MAPK8IP2: variants seen among roughly 807,000 people sequenced by gnomAD.
MAPK8IP2 encodes the protein C-Jun-amino-terminal kinase-interacting protein 2.
Under a neutral mutation model 75.6 loss-of-function variants are expected in MAPK8IP2, and 15 were observed. The ratio of observed to expected loss-of-function variants is 0.20; its 90% CI spans 0.13 to 0.31. The LOEUF (loss-of-function observed/expected upper bound fraction) is 0.31, where lower values mean the gene tolerates loss of function less well. Among genes scored for constraint, MAPK8IP2 ranks in the 10% least tolerant of loss-of-function variants. The pLI, the probability that MAPK8IP2 is intolerant of heterozygous loss-of-function variation, is 1.00. For missense variants in MAPK8IP2, 1,089 were observed against 1,211.2 expected (o/e 0.90, Z 1.50); for synonymous variants, 632 against 554.5 (o/e 1.14, Z -1.96).
In MAPK8IP2 at chr22:50,604,682, AGCCTGCTCCGCC is replaced by A. The variant is rs1318884910; in HGVS notation, c.1394_1405del (p.Ala465_Ser468del). ...CCGGCCGCGCCGCCCGCCCGGGACGAGCCTGCTCCGCCGCCTGCTCCGAGGAGGAGGACGAAG... is the reference window on the plus strand; with the variant it reads ...CCGGCCGCGCCGCCCGCCCGGGACGAGCCTGCTCCGAGGAGGAGGACGAAG... On this transcript the variant is annotated inframe_deletion, in exon 5 of 12. Transcript: ENST00000329492. 1.0e-5 allele frequency: 16 copies of A among 1,525,056 alleles called. No individual in the cohort carries two copies. In the Admixed American group the frequency reaches 1.1e-4, roughly 10 times the overall value. The allele number at this position is 1,525,056 out of a possible 1,614,324, so 94.5% of individuals were successfully genotyped here. A position where few individuals can be genotyped will look rare whatever the true frequency, so the allele number is the denominator to read the frequency against.
Position 50,603,213 on chromosome 22 carries a change from C to T in MAPK8IP2, c.172-10C>T, listed in dbSNP as rs756103129. On this transcript the variant is annotated splice_polypyrimidine_tract_variant and intron_variant, in intron 2 of 11. Coordinates refer to ENST00000329492, the MANE Select transcript of MAPK8IP2 (RefSeq NM_012324.6). ...CTGGCCCAGCCCTGCTATCTCCCTC[C>T]GTCCTGCAGGACAGCCTCTCCCTGG... 2.4e-5 allele frequency: 39 copies of T among 1,611,848 alleles called. No individual in the cohort carries two copies. The highest frequency in any genetic ancestry group is 3.3e-4 in the Middle Eastern group (2 of 6,080).
In MAPK8IP2 at chr22:50,613,974, G is replaced by A. The variant is rs982348428; in HGVS notation, c.*3195G>A. On this transcript the variant is annotated 3_prime_UTR_variant, in exon 12 of 12. Coordinates refer to ENST00000329492, the MANE Select transcript of MAPK8IP2 (RefSeq NM_012324.6). ...CGTTCTAAATAAAACGCGTTCTACA[G>A]AAAAGTGTTTATTGCATTCTTCTTT... The A allele has an allele frequency of 1.3e-5, 2 of 152,252 alleles. No homozygotes were observed. Among genetic ancestry groups the A allele is most frequent in the Admixed American group, 1.3e-4 (2 of 15,288 alleles). The allele number at this position is 152,252 out of a possible 1,614,324, so 9.4% of individuals were successfully genotyped here. A position where few individuals can be genotyped will look rare whatever the true frequency, so the allele number is the denominator to read the frequency against.
chr22:50,600,888 C>G lies in MAPK8IP2; in HGVS notation c.65+5C>G. The G allele has an allele frequency of 1.6e-6, 2 of 1,253,572 alleles. No homozygotes were observed. The highest frequency in any genetic ancestry group is 2.1e-6 in the Non-Finnish European group (2 of 969,838). The allele number at this position is 1,253,572 out of a possible 1,614,324, so 77.7% of individuals were successfully genotyped here. A position where few individuals can be genotyped will look rare whatever the true frequency, so the allele number is the denominator to read the frequency against. The stretch of plus-strand genomic sequence containing the variant: ...GCTGTCGCCGCCGGGCTGCAGGTAC[C>G]CCCCTCGGCGCCCGGGCCGGGCGGA... On this transcript the variant is annotated splice_donor_5th_base_variant and intron_variant, in intron 1 of 11. Coordinates refer to ENST00000329492, the MANE Select transcript of MAPK8IP2 (RefSeq NM_012324.6).
At chr22:50,609,856 G>A (rs1569068591) in intron 10 of MAPK8IP2, 1 of 522,930 alleles carries the variant, frequency 1.9e-6, no homozygotes, top group Non-Finnish European at 3.8e-6. Context: ...GGAGGCCTGA[G>A]TTGGCAGGAG....
At chr22:50,609,100 C>A (rs1351309474) in intron 10 of MAPK8IP2, among the ~76,000 whole-genome samples, 1 of 152,154 alleles carries the variant, frequency 6.6e-6, no homozygotes, top group African/African-American at 2.4e-5. Flanking sequence ...ACCCCCCGTC[C>A]CCGGTCCCTT....
At position 50,610,381 on chromosome 22, in the gene MAPK8IP2, G is replaced by A. The variant is rs1483368088; in HGVS notation, c.2402+71G>A. 3 of 1,316,340 alleles carry A rather than the reference G, an allele frequency of 2.3e-6. No homozygotes were observed. The African/African-American group carries it at 4.4e-5, about 19-fold the overall frequency. 81.5% of individuals were successfully genotyped at this position (1,316,340 alleles called of 1,614,324 possible). A position where few individuals can be genotyped will look rare whatever the true frequency, so the allele number is the denominator to read the frequency against. ...CGGAGGTGGGGAGCGGAGGTGAGCA[G>A]GTGGGGGCAGGAGCCTGGCAGGGGA... On this transcript the variant is annotated intron_variant, in intron 11 of 11. Coordinates refer to ENST00000329492, the MANE Select transcript of MAPK8IP2 (RefSeq NM_012324.6). The surrounding 1 kb of genome is among the most constrained non-coding windows in gnomAD (Gnocchi z 4.3).
chr22:50,606,946 A>C lies in MAPK8IP2; in HGVS notation c.2258A>C (p.Gln753Pro). The change falls in exon 10 of 12, where the codon CAG becomes CCG. Residue 753 changes from glutamine (Q) to proline (P), a missense_variant. By Grantham distance (76) the Gln-to-Pro change is moderately conservative. Around this residue, in one of 2 missense-constraint regions of MAPK8IP2, gnomAD observed 129 missense variants for 201.7 expected, o/e 0.64. Coordinates refer to ENST00000329492, the MANE Select transcript of MAPK8IP2 (RefSeq NM_012324.6). ...TTCCAGCGCTGCAGCCATTTCTTCC[A>C]GATGAAGAACATCTCCTTCTGCGGC... ...PEFQRCSHFFQMKNISFCGCH... is the reference protein window; with the variant it reads ...PEFQRCSHFFPMKNISFCGCH... 6.2e-7 allele frequency: 1 copy of C among 1,613,864 alleles called. No homozygotes were observed.
chr22:50,603,435 T>C lies in MAPK8IP2; in HGVS notation c.384T>C (p.Pro128=). 1 of 1,569,610 alleles carries C rather than the reference T, an allele frequency of 6.4e-7. No individual in the cohort carries two copies. The highest frequency in any genetic ancestry group is 1.2e-5 in the South Asian group (1 of 84,174). ...CCCCCGGGCCCCTTATCCCCTCCCCTTCCGTGGAGGAGCCCCACAAGCACC... is the reference window on the plus strand; with the variant it reads ...CCCCCGGGCCCCTTATCCCCTCCCCCTCCGTGGAGGAGCCCCACAAGCACC... ...APAPGPLIPS[P]SVEEPHKHRP... is the part of the protein sequence containing the mutation. The change falls in exon 3 of 12, where the codon CCT becomes CCC. Residue 128 remains proline (P), a synonymous_variant. Coordinates refer to ENST00000329492, the MANE Select transcript of MAPK8IP2 (RefSeq NM_012324.6).
Position 50,604,932 on chromosome 22 carries a change from A to C in MAPK8IP2, c.1633A>C (p.Ser545Arg). The change falls in exon 5 of 12, where the codon AGC (serine) becomes CGC (arginine). Residue 545 changes from serine to arginine, a missense_variant. By Grantham distance (110) the Ser-to-Arg change is moderately radical. Transcript: ENST00000329492. ...CGAAGAGGACAGCGGCGGGGAGGCCAGCGAGGAGGAGGCGGGCGCGGCGCT... is the reference window on the plus strand; with the variant it reads ...CGAAGAGGACAGCGGCGGGGAGGCCCGCGAGGAGGAGGCGGGCGCGGCGCT... ...DSEEDSGGEA[S>R]EEEAGAALLG... is the part of the protein sequence containing the mutation. The C allele has an allele frequency of 6.2e-7, 1 of 1,608,448 alleles. No homozygotes were observed. Among genetic ancestry groups the C allele is most frequent in the Non-Finnish European group, 8.5e-7 (1 of 1,178,364 alleles).
At chr22:50,603,160 ACCTGGGC>A (rs753898142) in intron 2 of MAPK8IP2, 56 bp from the exon 3 acceptor site, 1 of 1,610,544 alleles carries the variant, frequency 6.2e-7, no homozygotes, top group Non-Finnish European at 8.5e-7. Context: ...TTCTCCTAGC[ACCTGGGC>A]CCCTGGGCTA....
rs1435722962 is a variant in MAPK8IP2 at position 50,612,679 on chromosome 22, A to G, written c.*1900A>G. 1 of 152,300 alleles carries G rather than the reference A, an allele frequency of 6.6e-6. No individual in the cohort carries two copies. The highest frequency in any genetic ancestry group is 2.4e-5 in the African/African-American group (1 of 41,462). 9.4% of individuals were successfully genotyped at this position (152,300 alleles called of 1,614,324 possible). On this transcript the variant is annotated 3_prime_UTR_variant, in exon 12 of 12. Coordinates refer to ENST00000329492, the MANE Select transcript of MAPK8IP2 (RefSeq NM_012324.6). ...TCCTACTAATTGAGATAAAGCTGTA[A>G]AGAGGCAGATAGCCCCACTGGGTGT...
Position 50,606,962 on chromosome 22 carries a change from C to G in MAPK8IP2, c.2274C>G (p.Ser758=). The G allele has an allele frequency of 6.2e-7, 1 of 1,613,870 alleles. No homozygotes were observed. Among genetic ancestry groups the G allele is most frequent in the Non-Finnish European group, 8.5e-7 (1 of 1,179,852 alleles). ...CSHFFQMKNI[S]FCGCHPRNSC... ...ATTTCTTCCAGATGAAGAACATCTC[C>G]TTCTGCGGCTGCCATCCCCGCAACA... The change falls in exon 10 of 12, where the codon TCC becomes TCG. Residue 758 remains serine, a synonymous_variant. Coordinates refer to ENST00000329492, the MANE Select transcript of MAPK8IP2 (RefSeq NM_012324.6).
rs1407281112 is a variant in MAPK8IP2, at chr22:50,601,822, C to A, written c.99C>A (p.Asp33Glu). The A allele has an allele frequency of 1.2e-6, 2 of 1,613,716 alleles. No homozygotes were observed. The highest frequency in any genetic ancestry group is 8.5e-7 in the Non-Finnish European group (1 of 1,179,810). The change falls in exon 2 of 12, where the codon GAC becomes GAA. Residue 33 changes from aspartate (D) to glutamate (E), a missense_variant. Coordinates refer to ENST00000329492, the MANE Select transcript of MAPK8IP2 (RefSeq NM_012324.6). Reference protein sequence around the residue: ...PPQDISLEEFDDEDLSEITDD... With the variant: ...PPQDISLEEFEDEDLSEITDD... ...AGGACATAAGCCTGGAAGAATTTGA[C>A]GACGAAGATCTGTCTGAGATCACTG...
At chr22:50,603,591 C>T (rs1203479955) in intron 3 of MAPK8IP2, 35 bp from the exon 4 acceptor site, 2 of 1,584,008 alleles carry the variant, frequency 1.3e-6, no homozygotes, top group East Asian at 2.3e-5. Flanking sequence ...GGAGCTGGCC[C>T]TCCTCAGGAC....
chr22:50,604,532 G>C lies in MAPK8IP2; in HGVS notation c.1233G>C (p.Met411Ile). The C allele has an allele frequency of 4.2e-6, 5 of 1,186,330 alleles. No homozygotes were observed. Among genetic ancestry groups the C allele is most frequent in the South Asian group, 4.0e-5 (1 of 24,742 alleles). 73.5% of individuals were successfully genotyped at this position (1,186,330 alleles called of 1,614,324 possible). A position where few individuals can be genotyped will look rare whatever the true frequency, so the allele number is the denominator to read the frequency against. The change falls in exon 5 of 12, where the codon ATG becomes ATC. Residue 411 changes from methionine (M) to isoleucine (I), a missense_variant. Met to Ile is a conservative substitution (Grantham distance 10). Transcript: ENST00000329492. ...AGPGGVELVD[M>I]ETLCAPPPPA... ...CCGGCGGCGTGGAGCTGGTGGACAT[G>C]GAGACGCTGTGCGCGCCGCCGCCGC...
Position 50,610,610 on chromosome 22 carries a change from G to A in MAPK8IP2, c.2403-97G>A. ...GGGTGGGGGGTTATGGATGGCTGCAGAGGGAGGAAGGAGGGAGAGCTCAGA... is the reference window on the plus strand; with the variant it reads ...GGGTGGGGGGTTATGGATGGCTGCAAAGGGAGGAAGGAGGGAGAGCTCAGA... On this transcript the variant is annotated intron_variant, in intron 11 of 11. Coordinates refer to ENST00000329492, the MANE Select transcript of MAPK8IP2 (RefSeq NM_012324.6). This position sits in a 1 kb window ranked among gnomAD's most constrained non-coding sequence, Gnocchi z 4.3. The A allele has an allele frequency of 3.0e-6, 3 of 989,370 alleles. No individual in the cohort carries two copies. Among genetic ancestry groups the A allele is most frequent in the Non-Finnish European group, 4.6e-6 (3 of 647,992 alleles). 61.3% of individuals were successfully genotyped at this position (989,370 alleles called of 1,614,324 possible). A position where few individuals can be genotyped will look rare whatever the true frequency, so the allele number is the denominator to read the frequency against.
intron 10 of MAPK8IP2, among the ~76,000 whole-genome samples, chr22:50,608,721 A>ATGGG (rs1418456805): frequency 9.3e-5 from 12 of 128,986 alleles, no homozygotes; most frequent in Non-Finnish European, 1.3e-4. Flanking sequence ...GACAGTGGGC[A>ATGGG]CGGGCGCAGA....
chr22:50,610,711 G>T lies in MAPK8IP2; in HGVS notation c.2407G>T (p.Ala803Ser). ...MRPVAQSVGRAFLEYYQEHLA... is the reference protein window; with the variant it reads ...MRPVAQSVGRSFLEYYQEHLA... ...TGGAGGACCGTCTTTCCCCAGCCGC[G>T]CCTTCCTGGAGTACTACCAAGAGCA... Residue 803 changes from alanine to serine, a missense_variant, in exon 12 of 12, where the codon GCC (alanine) becomes TCC (serine). Around this residue, in one of 2 missense-constraint regions of MAPK8IP2, gnomAD observed 129 missense variants for 201.7 expected, o/e 0.64. Coordinates refer to ENST00000329492, the MANE Select transcript of MAPK8IP2 (RefSeq NM_012324.6). This position sits in a 1 kb window ranked among gnomAD's most constrained non-coding sequence, Gnocchi z 4.3. 6.2e-7 allele frequency: 1 copy of T among 1,604,940 alleles called. No individual in the cohort carries two copies. The highest frequency in any genetic ancestry group is 8.5e-7 in the Non-Finnish European group (1 of 1,176,660).
chr22:50,600,891 C>T lies in MAPK8IP2; in HGVS notation c.65+8C>T. The T allele has an allele frequency of 2.4e-6, 3 of 1,249,250 alleles. No homozygotes were observed. Among genetic ancestry groups the T allele is most frequent in the South Asian group, 1.5e-5 (1 of 65,610 alleles). The allele number at this position is 1,249,250 out of a possible 1,614,324, so 77.4% of individuals were successfully genotyped here. On this transcript the variant is annotated splice_region_variant and intron_variant, in intron 1 of 11. Coordinates refer to ENST00000329492, the MANE Select transcript of MAPK8IP2 (RefSeq NM_012324.6). ...GTCGCCGCCGGGCTGCAGGTACCCC[C>T]CTCGGCGCCCGGGCCGGGCGGACCC...
Sources: allele counts gnomAD v4.1 joint callset (sites outside exome capture counted in the v4.1 genomes callset), GRCh38; gene constraint gnomAD v4.1.1; regional missense constraint gnomAD v4.1.1; non-coding constraint Gnocchi (gnomAD v3.1); transcripts MANE v1.5; gene names NCBI Gene and HGNC (gene_info 2026-07-23, HGNC 2026-07-21).